The following TSHR variants were observed in gnomAD, a reference collection of about 807,000 sequenced individuals.
The protein encoded by TSHR is thyroid stimulating hormone receptor, also known as thyrotropin receptor.
A neutral mutation model predicts 64.1 loss-of-function variants in TSHR; 51 were observed. The observed-to-expected ratio is 0.80, with a 90% CI of 0.64 to 1.01. The LOEUF (loss-of-function observed/expected upper bound fraction) is 1.01, where lower values mean the gene tolerates loss of function less well. TSHR is among the 50% of genes least tolerant of loss of function. The pLI is 0.00. For synonymous variants in TSHR, 361 were observed against 361.9 expected (o/e 1.00, Z 0.03); for missense variants, 877 against 942.8 (o/e 0.93, Z 0.91).
At chr14:81,006,530 T>G (rs979331336) in intron 1 of TSHR, among the ~76,000 whole-genome samples, 1 of 152,080 alleles carries the variant, frequency 6.6e-6, no homozygotes, top group Non-Finnish European at 1.5e-5. Context: ...TTTTTTTTTT[T>G]TTAATCTGAG....
chr14:81,023,789 TATC>T (rs1189191821), intron 1 of TSHR, among the ~76,000 whole-genome samples: 2 of 152,154 alleles, frequency 1.3e-5, no homozygotes, highest in Admixed American at 1.3e-4. Flanking sequence ...GGGCAGTCCT[TATC>T]ATAAACCGAA....
intron 1 of TSHR, chr14:80,982,820 C>T (rs1201420181): frequency 1.3e-5 from 7 of 522,042 alleles, no homozygotes; most frequent in Non-Finnish European, 2.1e-5. Flanking sequence ...CAGCCCATCC[C>T]TGAGTGTCCT....
rs146011264 is a variant in TSHR at position 80,967,712 on chromosome 14, G to A, written c.170+11862G>A. Among the ~76,000 whole-genome samples, 510 of 152,280 alleles carry A rather than the reference G, an allele frequency of 3.3e-3. 6 individuals carry two copies. The highest frequency in any genetic ancestry group is 0.012 in the African/African-American group (494 of 41,548). ...TAAGAAATTTCCTGGGCTTATTTTG[G>A]AGGTGAATCCAACAGGATTTTCTAG... On this transcript the variant is annotated intron_variant, in intron 1 of 9. Coordinates refer to ENST00000298171, the MANE Select transcript of TSHR (RefSeq NM_000369.5).
intron 5 of TSHR, 54 bp downstream of exon 5, chr14:81,091,197 A>G (rs1247287594): frequency 1.4e-5 from 20 of 1,460,388 alleles, no homozygotes; most frequent in Non-Finnish European, 1.9e-5. Context: ...ACTGACAAGA[A>G]CTAGAATACA....
Position 81,143,609 on chromosome 14 carries a change from G to A in TSHR, c.1551G>A (p.Leu517=). ...LSVYTLTVIT[L]ERWYAITFAM... ...TGTATACGCTGACGGTCATCACCCT[G>A]GAGCGCTGGTATGCCATCACCTTCG... The change falls in exon 10 of 10, where the codon CTG becomes CTA. Residue 517 remains leucine, a synonymous_variant. Transcript: ENST00000298171. The A allele has an allele frequency of 6.2e-7, 1 of 1,613,768 alleles. No homozygotes were observed.
At chr14:80,983,014 G>A in intron 1 of TSHR, 2 of 540,788 alleles carry the variant, frequency 3.7e-6, no homozygotes, top group Non-Finnish European at 6.8e-6. Context: ...TCATAAAAGA[G>A]CACAGATTGC....
chr14:80,993,411 C>T (rs1888847562), intron 1 of TSHR: 1 of 152,114 alleles, frequency 6.6e-6, no homozygotes, highest in Non-Finnish European at 1.5e-5. Flanking sequence ...TAATATTTAA[C>T]TATGAGTATA....
chr14:81,039,762 A>G (rs1201864288), intron 1 of TSHR, among the ~76,000 whole-genome samples: 1 of 152,062 alleles, frequency 6.6e-6, no homozygotes, highest in Non-Finnish European at 1.5e-5. Flanking sequence ...AATTTAACCA[A>G]GAAGGTGAAA....
At chr14:81,060,182 T>C (rs1886131167) in intron 1 of TSHR, among the ~76,000 whole-genome samples, 1 of 152,178 alleles carries the variant, frequency 6.6e-6, no homozygotes, top group Non-Finnish European at 1.5e-5. Context: ...TTACCGTAAG[T>C]ATGCCCACAA....
intron 1 of TSHR, among the ~76,000 whole-genome samples, chr14:81,028,457 T>A (rs900307080): frequency 1.3e-5 from 2 of 151,748 alleles, no homozygotes; most frequent in Middle Eastern, 3.2e-3. Context: ...GAAAAAAAAA[T>A]CTATCAAGAA....
At chr14:80,982,605 T>TG in intron 1 of TSHR, 1 of 768,470 alleles carries the variant, frequency 1.3e-6, no homozygotes, top group East Asian at 3.6e-5. Context: ...ATGAAATTAA[T>TG]GGAAAAAAAA....
chr14:81,135,831 C>G (rs1359638638), intron 8 of TSHR, among the ~76,000 whole-genome samples: 1 of 152,128 alleles, frequency 6.6e-6, no homozygotes, highest in Non-Finnish European at 1.5e-5. Context: ...CTGATAGCAA[C>G]CAGACTGTCT....
In TSHR at chr14:81,117,294, C is replaced by A. The variant is rs866233497; in HGVS notation, c.692+8842C>A. ...AATAGATAGACCACTAGCAAGACTA[C>A]TAAAGAAAAAAAGAGAGAAGAATCA... On this transcript the variant is annotated intron_variant, in intron 8 of 9. Coordinates refer to ENST00000298171, the MANE Select transcript of TSHR (RefSeq NM_000369.5). Among the ~76,000 whole-genome samples the A allele has an allele frequency of 5.3e-3, 574 of 108,340 alleles. 1 individual carries two copies. Among genetic ancestry groups the A allele is most frequent in the African/African-American group, 0.018 (384 of 21,544 alleles). The allele number at this position is 108,340 out of a possible 152,430, so 71.1% of individuals were successfully genotyped here.
chr14:81,030,926 G>T (rs945540697), intron 1 of TSHR, among the ~76,000 whole-genome samples: 2 of 152,046 alleles, frequency 1.3e-5, no homozygotes, highest in Non-Finnish European at 2.9e-5. Context: ...ATGGAGGTTT[G>T]CCAGGGCATA....
At chr14:81,131,596 C>T (rs1429305224) in intron 8 of TSHR, among the ~76,000 whole-genome samples, 1 of 152,192 alleles carries the variant, frequency 6.6e-6, no homozygotes, top group African/African-American at 2.4e-5. Context: ...CTCAAATATA[C>T]CAGGTGCACT....
At chr14:80,975,804 A>G (rs1202327946) in intron 1 of TSHR, among the ~76,000 whole-genome samples, 1 of 152,074 alleles carries the variant, frequency 6.6e-6, no homozygotes, top group Non-Finnish European at 1.5e-5. Context: ...CTGGTGCCTT[A>G]CTTCAGGTCT....
At chr14:81,102,792 G>A in intron 7 of TSHR, 1 of 985,392 alleles carries the variant, frequency 1.0e-6, no homozygotes, top group Non-Finnish European at 1.2e-6. Flanking sequence ...GATGACCATT[G>A]TGTGGCGAAA....
intron 1 of TSHR, among the ~76,000 whole-genome samples, chr14:81,057,419 AAAAAG>A (rs1365478873): frequency 2.0e-5 from 3 of 152,306 alleles, no homozygotes; most frequent in African/African-American, 7.2e-5. Flanking sequence ...CTCAAAAAGA[AAAAAG>A]AAAAGAAAAA....
intron 8 of TSHR, among the ~76,000 whole-genome samples, chr14:81,123,677 A>G (rs1179136377): frequency 6.6e-6 from 1 of 152,224 alleles, no homozygotes; most frequent in African/African-American, 2.4e-5. Context: ...AAAAAGTCAA[A>G]CTTACCCACT....
Sources: allele counts gnomAD v4.1 joint callset (sites outside exome capture counted in the v4.1 genomes callset), GRCh38; gene constraint gnomAD v4.1.1; transcripts MANE v1.5; gene names NCBI Gene and HGNC (gene_info 2026-07-23, HGNC 2026-07-21).